The following SLC8A1 variants were observed in gnomAD, a reference collection of about 807,000 sequenced individuals.
SLC8A1 encodes sodium/calcium exchanger 1.
Under a neutral mutation model 68.3 loss-of-function variants are expected in SLC8A1, and 18 were observed. That is an observed-to-expected ratio of 0.26 (90% confidence interval 0.18 to 0.39). The LOEUF (loss-of-function observed/expected upper bound fraction) is 0.39. SLC8A1 is among the 10% of genes least tolerant of loss of function. The pLI is 1.00. For synonymous variants in SLC8A1, 475 were observed against 415.5 expected, an observed-to-expected ratio of 1.14 and a Z score of -1.74; for missense variants, 985 against 1,156.7, an observed-to-expected ratio of 0.85 and a Z score of 2.15.
chr2:40,192,712 G>C (rs1394631509), intron 2 of SLC8A1, among the ~76,000 whole-genome samples: 1 of 151,868 alleles, frequency 6.6e-6, no homozygotes, highest in Admixed American at 6.6e-5. Context: ...TTGCTGTCTT[G>C]GTGTAATATT....
chr2:40,193,872 G>A (rs2052395719), intron 2 of SLC8A1, among the ~76,000 whole-genome samples: 1 of 152,082 alleles, frequency 6.6e-6, no homozygotes, highest in Admixed American at 6.6e-5. Flanking sequence ...TTAAAGAAGT[G>A]TCTGGCCCCC....
At chr2:40,426,834 T>G (rs1450715971) in intron 2 of SLC8A1, among the ~76,000 whole-genome samples, 1 of 151,946 alleles carries the variant, frequency 6.6e-6, no homozygotes, top group Non-Finnish European at 1.5e-5. Context: ...ATTGAAATGA[T>G]TAGAAAACAT....
intron 2 of SLC8A1, among the ~76,000 whole-genome samples, chr2:40,325,224 A>G (rs2075673160): frequency 6.6e-6 from 1 of 152,204 alleles, no homozygotes; most frequent in African/African-American, 2.4e-5. Flanking sequence ...ATTGATGCTC[A>G]ATGATGTAGA....
chr2:40,140,460 C>CTT (rs1458437399), intron 6 of SLC8A1, among the ~76,000 whole-genome samples: 6 of 152,324 alleles, frequency 3.9e-5, no homozygotes, highest in African/African-American at 1.4e-4. Flanking sequence ...CTTCCCAACA[C>CTT]TTGTAACTCT....
At chr2:40,392,461 G>T (rs1300161082) in intron 2 of SLC8A1, among the ~76,000 whole-genome samples, 4 of 151,976 alleles carry the variant, frequency 2.6e-5, no homozygotes, top group Non-Finnish European at 5.9e-5. Context: ...AAATATTTAG[G>T]CTCATTTATT....
At chr2:40,409,628 G>C (rs1227693311) in intron 2 of SLC8A1, among the ~76,000 whole-genome samples, 1 of 152,004 alleles carries the variant, frequency 6.6e-6, no homozygotes, top group Non-Finnish European at 1.5e-5. Context: ...AAAAGTGTTG[G>C]AGGTGGTGGC....
At chr2:40,285,089 T>C (rs1380889476) in intron 2 of SLC8A1, among the ~76,000 whole-genome samples, 1 of 152,136 alleles carries the variant, frequency 6.6e-6, no homozygotes, top group Non-Finnish European at 1.5e-5. Flanking sequence ...GATGGCAGCA[T>C]TGCTTCCTTC....
At chr2:40,201,107 T>C (rs1294125635) in intron 2 of SLC8A1, among the ~76,000 whole-genome samples, 2 of 150,236 alleles carry the variant, frequency 1.3e-5, no homozygotes, top group Admixed American at 6.7e-5. Flanking sequence ...AGACCCCCAC[T>C]CCCTCAAAAA....
chr2:40,108,024 G>A (rs2034321976), exon 8 of SLC8A1: 1 of 152,122 alleles, frequency 6.6e-6, no homozygotes, highest in Non-Finnish European at 1.5e-5. Flanking sequence ...GGGCCTTGTG[G>A]TTCATTTGGG....
chr2:40,321,266 G>GT (rs2075153170), intron 2 of SLC8A1, among the ~76,000 whole-genome samples: 1 of 151,740 alleles, frequency 6.6e-6, no homozygotes, highest in Non-Finnish European at 1.5e-5. Flanking sequence ...GAATGTAATT[G>GT]TTTTTTCTGA....
At chr2:40,468,813 C>T (rs1306230314) in intron 1 of SLC8A1, among the ~76,000 whole-genome samples, 8 of 151,830 alleles carry the variant, frequency 5.3e-5, no homozygotes, top group Non-Finnish European at 1.5e-5. Flanking sequence ...TGGTGGCTCA[C>T]GACTATAATC....
chr2:40,345,404 T>A (rs555434847), intron 2 of SLC8A1, among the ~76,000 whole-genome samples: 1 of 152,114 alleles, frequency 6.6e-6, no homozygotes, highest in African/African-American at 2.4e-5. Flanking sequence ...TTATACCACA[T>A]GTAGGGAAGC....
At chr2:40,289,925 C>T (rs2068989274) in intron 2 of SLC8A1, among the ~76,000 whole-genome samples, 1 of 151,756 alleles carries the variant, frequency 6.6e-6, no homozygotes, top group Non-Finnish European at 1.5e-5. Flanking sequence ...ATGAGATTAG[C>T]AGACAGGAAT....
In SLC8A1 at chr2:40,295,638, A is replaced by AT. The variant is rs1290837103; in HGVS notation, c.1809-117784dup. On this transcript the variant is annotated intron_variant, in intron 2 of 7. Coordinates refer to ENST00000406785, the Ensembl canonical transcript of SLC8A1. ...GATTACGATCCAGCAGATATTGATCATAAGAATGAAATGAGGCACAAGAAA... is the reference window on the plus strand; with the variant it reads ...GATTACGATCCAGCAGATATTGATCATTAAGAATGAAATGAGGCACAAGAAA... 2.6e-5 allele frequency among the ~76,000 whole-genome samples: 4 copies of AT among 152,304 alleles called. No individual in the cohort carries two copies. The East Asian group carries it at 7.7e-4, about 29-fold the overall frequency.
intron 2 of SLC8A1, among the ~76,000 whole-genome samples, chr2:40,271,087 T>A (rs1053739388): frequency 2.0e-5 from 3 of 152,154 alleles, no homozygotes; most frequent in Non-Finnish European, 4.4e-5. Flanking sequence ...GCCAGAGTTA[T>A]CCTTAAAAAC....
intron 2 of SLC8A1, among the ~76,000 whole-genome samples, chr2:40,243,931 A>C (rs1159972748): frequency 6.6e-6 from 1 of 152,194 alleles, no homozygotes; most frequent in African/African-American, 2.4e-5. Context: ...AACTGGAGCA[A>C]CGTAAGAGGA....
chr2:40,500,795 C>CTTTTTTTTTTTTTTTTTTTTT (rs1191619172), intron 1 of SLC8A1, among the ~76,000 whole-genome samples: 4 of 37,262 alleles, frequency 1.1e-4, no homozygotes, highest in Non-Finnish European at 1.5e-4. Flanking sequence ...TATCATCTGA[C>CTTTTTTTTTTTTTTTTTTTTT]TTTTTTTTTT....
At chr2:40,133,379 T>C (rs972694244) in intron 7 of SLC8A1, among the ~76,000 whole-genome samples, 4 of 74,400 alleles carry the variant, frequency 5.4e-5, no homozygotes, top group Non-Finnish European at 1.1e-4. Context: ...AAAAAGGTTC[T>C]ATATACAAAA....
intron 2 of SLC8A1, among the ~76,000 whole-genome samples, chr2:40,377,653 T>TA (rs1003358095): frequency 2.0e-5 from 3 of 152,038 alleles, no homozygotes; most frequent in African/African-American, 7.2e-5. Flanking sequence ...CCATAGATAA[T>TA]AAAAAACTCT....
Sources: allele counts gnomAD v4.1 joint callset (sites outside exome capture counted in the v4.1 genomes callset), GRCh38; gene constraint gnomAD v4.1.1; transcripts MANE v1.5; gene names NCBI Gene and HGNC (gene_info 2026-07-23, HGNC 2026-07-21).